The following RBFOX1 variants were observed in gnomAD, a reference collection of about 807,000 sequenced individuals.
RBFOX1 encodes the protein RNA binding fox-1 homolog 1, also known as RNA binding protein fox-1 homolog 1.
RBFOX1 carries 8 observed loss-of-function variants against 57.7 expected under a neutral mutation model. The ratio of observed to expected loss-of-function variants is 0.14; its 90% confidence interval spans 0.08 to 0.25. The LOEUF (loss-of-function observed/expected upper bound fraction) is 0.25. Ranked by LOEUF, RBFOX1 falls within the 10% of genes least tolerant of loss-of-function variation. The pLI is 1.00. For missense variants in RBFOX1, 611 were observed against 548.5 expected (o/e 1.11, Z -1.14); for synonymous variants, 326 against 222.4 (o/e 1.47, Z -4.15).
rs181309517 is a variant in RBFOX1, at chr16:7,298,482, G to A, written c.28-219665G>A. Among the ~76,000 whole-genome samples the A allele has an allele frequency of 4.3e-3, 654 of 151,920 alleles. 28 individuals are homozygous for A. Among genetic ancestry groups the A allele is most frequent in the Admixed American group, 0.039 (596 of 15,250 alleles). On this transcript the variant is annotated intron_variant, in intron 4 of 15. Coordinates refer to ENST00000550418, the MANE Select transcript of RBFOX1 (RefSeq NM_018723.4). ...AATTTTTGTATATTTGGTTGAGAGA[G>A]GGTTTCACCATCTTGGCCAGTCTCA...
chr16:7,370,852 A>C (rs1429499185), intron 4 of RBFOX1, among the ~76,000 whole-genome samples: 2 of 152,230 alleles, frequency 1.3e-5, no homozygotes, highest in Admixed American at 6.5e-5. Context: ...GATTAATTGC[A>C]AAGAACACTG....
intron 3 of RBFOX1, among the ~76,000 whole-genome samples, chr16:6,799,969 T>G (rs1228407007): frequency 2.6e-5 from 4 of 152,172 alleles, no homozygotes. Context: ...TTCTCCTTAA[T>G]AAACTTCCTT....
chr16:6,926,552 G>A (rs2075622719), intron 3 of RBFOX1, among the ~76,000 whole-genome samples: 3 of 152,270 alleles, frequency 2.0e-5, no homozygotes, highest in Non-Finnish European at 1.5e-5. Flanking sequence ...AAAATTGCAG[G>A]GAGAAATCCT....
At chr16:6,953,134 A>G (rs904143339) in intron 3 of RBFOX1, among the ~76,000 whole-genome samples, 2 of 152,154 alleles carry the variant, frequency 1.3e-5, no homozygotes, top group African/African-American at 4.8e-5. Context: ...ACTTAGGTGT[A>G]TGTATGCCTC....
intron 1 of RBFOX1, among the ~76,000 whole-genome samples, chr16:6,087,024 A>G (rs1271135194): frequency 1.3e-5 from 2 of 152,194 alleles, no homozygotes; most frequent in East Asian, 1.9e-4. Context: ...GTAGATATAC[A>G]TTGAGTGGTG....
intron 4 of RBFOX1, among the ~76,000 whole-genome samples, chr16:7,082,853 G>T (rs2059413547): frequency 6.6e-6 from 1 of 152,142 alleles, no homozygotes; most frequent in Admixed American, 6.6e-5. Context: ...TAATTATTGT[G>T]TTGAGTTGAT....
intron 3 of RBFOX1, among the ~76,000 whole-genome samples, chr16:6,921,069 G>T (rs1040559053): frequency 6.6e-6 from 1 of 152,190 alleles, no homozygotes; most frequent in East Asian, 1.9e-4. Flanking sequence ...AGCAGGTGTT[G>T]GTTTGAGCTC....
intron 4 of RBFOX1, among the ~76,000 whole-genome samples, chr16:7,510,473 G>A (rs1445858192): frequency 7.7e-6 from 1 of 129,270 alleles, no homozygotes; most frequent in Non-Finnish European, 1.7e-5. Context: ...GAGAGTGTGT[G>A]TGTGTATGTG....
chr16:5,687,870 C>T (rs183395355), intron 3 of RBFOX1, among the ~76,000 whole-genome samples: 2 of 152,242 alleles, frequency 1.3e-5, no homozygotes, highest in Admixed American at 1.3e-4. Flanking sequence ...GTTGGCATCC[C>T]CTGTGTACCA....
intron 2 of RBFOX1, among the ~76,000 whole-genome samples, chr16:6,470,527 C>G (rs566081546): frequency 1.3e-5 from 2 of 152,286 alleles, no homozygotes; most frequent in Admixed American, 1.3e-4. Flanking sequence ...TGACCTTCAG[C>G]TCTCTATGTG....
intron 2 of RBFOX1, chr16:6,577,323 C>A (rs34883779): frequency 0.4 from 61,533 of 152,002 alleles, 13,971 homozygotes; most frequent in East Asian, 0.66. Flanking sequence ...GTGGAATTTC[C>A]ACTGAAAGCA....
At chr16:5,466,696 C>T (rs769914193) in intron 1 of RBFOX1, among the ~76,000 whole-genome samples, 1 of 152,212 alleles carries the variant, frequency 6.6e-6, no homozygotes, top group Non-Finnish European at 1.5e-5. Context: ...TTGACATCAT[C>T]TCTTTGCCTC....
chr16:7,587,350 TG>T, intron 7 of RBFOX1, 50 bp downstream of exon 7: 1 of 1,458,448 alleles, frequency 6.9e-7, no homozygotes, highest in East Asian at 2.5e-5. Flanking sequence ...TTTAAATGTT[TG>T]TTATGAATAA....
At chr16:6,943,783 C>A (rs890967934) in intron 3 of RBFOX1, among the ~76,000 whole-genome samples, 2 of 151,706 alleles carry the variant, frequency 1.3e-5, no homozygotes, top group Non-Finnish European at 2.9e-5. Flanking sequence ...TGAACTTCAA[C>A]CACTCATAGA....
chr16:7,632,893 C>A lies in RBFOX1; in HGVS notation c.757+2210C>A, dbSNP rs189573911. On this transcript the variant is annotated intron_variant, in intron 11 of 15. Transcript: ENST00000550418. ...TTTCAATTTTCTTTACAGAAGTGAACAAAACAATCAACTCCAAAAGTGTGC... is the reference window on the plus strand; with the variant it reads ...TTTCAATTTTCTTTACAGAAGTGAAAAAAACAATCAACTCCAAAAGTGTGC... Among the ~76,000 whole-genome samples the A allele has an allele frequency of 2.0e-4, 31 of 151,406 alleles. 1 individual carries two copies. Among genetic ancestry groups the A allele is most frequent in the African/African-American group, 6.0e-4 (25 of 41,474 alleles).
chr16:7,596,161 C>G (rs1196577008), intron 8 of RBFOX1, among the ~76,000 whole-genome samples: 1 of 42,056 alleles, frequency 2.4e-5, no homozygotes, highest in African/African-American at 4.4e-5. Flanking sequence ...GAGGTTTTTA[C>G]TAAACCTCTC....
At chr16:5,341,490 A>T (rs541652824) in intron 1 of RBFOX1, among the ~76,000 whole-genome samples, 3 of 152,230 alleles carry the variant, frequency 2.0e-5, no homozygotes, top group Non-Finnish European at 4.4e-5. Flanking sequence ...AGCTGACAGG[A>T]CTTGGGGATG....
chr16:6,481,732 G>T (rs915948913), intron 2 of RBFOX1, among the ~76,000 whole-genome samples: 5 of 152,142 alleles, frequency 3.3e-5, no homozygotes, highest in Admixed American at 3.3e-4. Context: ...AGGGAGTGGA[G>T]CATGTTCTTC....
At chr16:7,430,397 C>G (rs189940711) in intron 4 of RBFOX1, among the ~76,000 whole-genome samples, 204 of 152,294 alleles carry the variant, frequency 1.3e-3, no homozygotes, top group African/African-American at 4.5e-3. Flanking sequence ...CGCAGTGGCT[C>G]ATGCCTGTAA....
Sources: gnomAD v4.1 joint callset for allele counts (sites outside exome capture counted in the v4.1 genomes callset) on GRCh38, gnomAD v4.1.1 for gene constraint, MANE v1.5 for transcripts, NCBI Gene and HGNC (gene_info 2026-07-23, HGNC 2026-07-21) for gene names.